ST8SIA4: variants seen among roughly 807,000 people sequenced by gnomAD.
ST8SIA4 encodes the protein ST8 alpha-N-acetyl-neuraminide alpha-2,8-sialyltransferase 4.
Under a neutral mutation model 33.9 loss-of-function variants are expected in ST8SIA4, and 15 were observed. The ratio of observed to expected loss-of-function variants is 0.44; its 90% CI spans 0.30 to 0.68. ST8SIA4 has a LOEUF of 0.68. Among genes scored for constraint, ST8SIA4 ranks in the 30% least tolerant of loss-of-function variants. The pLI is 0.10. For missense variants in ST8SIA4, 321 were observed against 428.0 expected (o/e 0.75, Z 2.21); for synonymous variants, 171 against 151.2 (o/e 1.13, Z -0.96).
intron 4 of ST8SIA4, among the ~76,000 whole-genome samples, chr5:100,842,893 A>G (rs942822539): frequency 6.6e-6 from 1 of 151,932 alleles, no homozygotes; most frequent in South Asian, 2.1e-4. Flanking sequence ...ATTCAGTCAC[A>G]TGATTCTTTT....
chr5:100,894,289 T>C (rs184879345), intron 2 of ST8SIA4, among the ~76,000 whole-genome samples: 12 of 152,206 alleles, frequency 7.9e-5, no homozygotes, highest in Admixed American at 7.2e-4. Flanking sequence ...AGCCTCCTGG[T>C]TTTTAATATT....
intron 4 of ST8SIA4, among the ~76,000 whole-genome samples, chr5:100,855,885 G>T (rs1751804119): frequency 6.6e-6 from 1 of 152,064 alleles, no homozygotes; most frequent in African/African-American, 2.4e-5. Flanking sequence ...ATAAATAAGT[G>T]CCAGGTTCAA....
intron 4 of ST8SIA4, among the ~76,000 whole-genome samples, chr5:100,852,239 A>G (rs971455646): frequency 1.4e-5 from 2 of 147,554 alleles, no homozygotes; most frequent in African/African-American, 5.0e-5. Flanking sequence ...CTCCTGCCTC[A>G]GCCTGCCAAG....
intron 3 of ST8SIA4, among the ~76,000 whole-genome samples, chr5:100,862,101 T>TG (rs1751959245): frequency 6.6e-6 from 1 of 152,224 alleles, no homozygotes; most frequent in Admixed American, 6.5e-5. Flanking sequence ...TAGTAAGCCA[T>TG]TGTGGCTGAA....
rs756157817 is a variant in ST8SIA4 at position 100,895,603 on chromosome 5, G to A, written c.245+51C>T. 4.3e-5 allele frequency: 67 copies of A among 1,570,146 alleles called. No individual in the cohort carries two copies. In the Middle Eastern group the frequency reaches 5.1e-4, roughly 12 times the overall value. ...TGAATACAAGTTTGCCAAGCCCAAC[G>A]TATTTGAGAACATGATGTGAAATTT... On this transcript the variant is annotated intron_variant, in intron 2 of 4. Coordinates refer to ENST00000231461, the MANE Select transcript of ST8SIA4 (RefSeq NM_005668.6).
chr5:100,890,146 A>G (rs1392388326), intron 2 of ST8SIA4, among the ~76,000 whole-genome samples: 1 of 151,890 alleles, frequency 6.6e-6, no homozygotes, highest in Admixed American at 6.6e-5. Context: ...ACTATGAGTG[A>G]ATAATATTAT....
Position 100,810,216 on chromosome 5 carries a change from T to C in ST8SIA4, c.*1631A>G, listed in dbSNP as rs191824121. ...CATTAAAAATTTTTTAATTACTTTA[T>C]TAATAATTTCATGTGTTTCTTGAAG... On this transcript the variant is annotated 3_prime_UTR_variant, in exon 5 of 5. Coordinates refer to ENST00000231461, the MANE Select transcript of ST8SIA4 (RefSeq NM_005668.6). 6.6e-6 allele frequency: 1 copy of C among 152,334 alleles called. No individual in the cohort carries two copies. The highest frequency in any genetic ancestry group is 1.5e-5 in the Non-Finnish European group (1 of 68,028). 9.4% of individuals were successfully genotyped at this position (152,334 alleles called of 1,614,324 possible).
At chr5:100,823,572 C>T (rs1378235018) in intron 4 of ST8SIA4, among the ~76,000 whole-genome samples, 4 of 152,316 alleles carry the variant, frequency 2.6e-5, no homozygotes, top group Middle Eastern at 3.4e-3. Flanking sequence ...AGTTCAGTTT[C>T]ATTTAACTCT....
intron 3 of ST8SIA4, among the ~76,000 whole-genome samples, chr5:100,880,952 A>G (rs1752408381): frequency 6.6e-6 from 1 of 152,346 alleles, no homozygotes. Context: ...TTAGATATAC[A>G]TAAAACACAT....
chr5:100,828,015 T>C (rs1751178492), intron 4 of ST8SIA4, among the ~76,000 whole-genome samples: 1 of 152,272 alleles, frequency 6.6e-6, no homozygotes, highest in Non-Finnish European at 1.5e-5. Context: ...TAGCTATGCA[T>C]ATACAGAATG....
chr5:100,886,711 CT>C, intron 2 of ST8SIA4, 111 bp from the exon 3 acceptor site: 1 of 835,316 alleles, frequency 1.2e-6, no homozygotes, highest in Non-Finnish European at 1.9e-6. Flanking sequence ...AACTATTAAT[CT>C]TAGATTACCA....
chr5:100,895,782 A>G lies in ST8SIA4; in HGVS notation c.117T>C (p.Asp39=). The part of the protein sequence containing the change: ...EEHQETQLIG[D]GELSLSRSLV... ...GTGACCGACTCAAAGACAATTCACC[A>G]TCTCTGAAACAAAACAAAATTGCCA... Residue 39 remains aspartate, a synonymous_variant, in exon 2 of 5, where the codon GAT becomes GAC. Coordinates refer to ENST00000231461, the MANE Select transcript of ST8SIA4 (RefSeq NM_005668.6). 6 of 1,612,162 alleles carry G rather than the reference A, an allele frequency of 3.7e-6. No homozygotes were observed. Among genetic ancestry groups the G allele is most frequent in the Non-Finnish European group, 5.1e-6 (6 of 1,178,772 alleles).
intron 3 of ST8SIA4, among the ~76,000 whole-genome samples, chr5:100,870,655 T>A (rs562096329): frequency 5.3e-5 from 8 of 152,288 alleles, no homozygotes; most frequent in African/African-American, 1.9e-4. Context: ...TTAAAATTTT[T>A]ACTTGTAGAT....
intron 3 of ST8SIA4, among the ~76,000 whole-genome samples, chr5:100,877,466 A>G (rs1368330617): frequency 3.9e-5 from 6 of 152,232 alleles, no homozygotes; most frequent in African/African-American, 1.4e-4. Flanking sequence ...ACAAATAATG[A>G]GTCAGAAGGC....
At chr5:100,902,735 G>T in intron 1 of ST8SIA4, 108 bp downstream of exon 1, 2 of 957,818 alleles carry the variant, frequency 2.1e-6, no homozygotes, top group Non-Finnish European at 3.3e-6. Context: ...CCACGCGCAA[G>T]CTCAAACAAA....
chr5:100,851,771 A>G (rs139339592), intron 4 of ST8SIA4, among the ~76,000 whole-genome samples: 1 of 151,962 alleles, frequency 6.6e-6, no homozygotes, highest in Non-Finnish European at 1.5e-5. Context: ...TTTTTTTCCC[A>G]TATTAAAAGT....
At chr5:100,834,847 A>C (rs948493988) in intron 4 of ST8SIA4, among the ~76,000 whole-genome samples, 1 of 152,178 alleles carries the variant, frequency 6.6e-6, no homozygotes, top group African/African-American at 2.4e-5. Flanking sequence ...GAAGCCAAGC[A>C]GATGCTGGTG....
At chr5:100,834,060 C>G (rs2112417253) in intron 4 of ST8SIA4, among the ~76,000 whole-genome samples, 1 of 152,136 alleles carries the variant, frequency 6.6e-6, no homozygotes, top group East Asian at 1.9e-4. Context: ...TCATCTTAAT[C>G]AAATGAGTGC....
intron 3 of ST8SIA4, among the ~76,000 whole-genome samples, chr5:100,879,301 G>A (rs1362722158): frequency 6.6e-6 from 1 of 152,110 alleles, no homozygotes. Context: ...GCACAAATCA[G>A]TAAATTCTGT....
Sources: allele counts gnomAD v4.1 joint callset (sites outside exome capture counted in the v4.1 genomes callset), GRCh38; gene constraint gnomAD v4.1.1; transcripts MANE v1.5; gene names NCBI Gene and HGNC (gene_info 2026-07-23, HGNC 2026-07-21).